Variants in IL1RAPL2 observed in about 807,000 individuals in gnomAD.
IL1RAPL2 encodes the protein interleukin 1 receptor accessory protein like 2.
IL1RAPL2 carries 3 observed loss-of-function variants against 44.1 expected under a neutral mutation model. The observed-to-expected ratio is 0.07, with a 90% CI of 0.03 to 0.18. The LOEUF (loss-of-function observed/expected upper bound fraction) is 0.18, where lower values mean the gene tolerates loss of function less well. IL1RAPL2 is among the 10% of genes least tolerant of loss of function. The pLI, the probability that IL1RAPL2 is intolerant of heterozygous loss-of-function variation, is 1.00. For missense variants in IL1RAPL2, 391 were observed against 496.4 expected, an observed-to-expected ratio of 0.79 and a Z score of 2.02; for synonymous variants, 181 against 178.8, an observed-to-expected ratio of 1.01 and a Z score of -0.10.
At chrX:104,907,406 T>A (rs1178517457) in intron 2 of IL1RAPL2, among the ~76,000 whole-genome samples, 1 of 110,750 alleles carries the variant, frequency 9.0e-6, no homozygotes, top group Non-Finnish European at 1.9e-5. Flanking sequence ...GGGTGTCAAT[T>A]TTGGATCTTT....
At chrX:105,050,153 G>T (rs1337518984) in intron 2 of IL1RAPL2, among the ~76,000 whole-genome samples, 7 of 112,092 alleles carry the variant, frequency 6.2e-5, no homozygotes, top group Non-Finnish European at 1.3e-4. Flanking sequence ...TTCTCTAGCA[G>T]ATAGTCATTA....
chrX:105,747,488 G>C (rs866384939), intron 8 of IL1RAPL2, among the ~76,000 whole-genome samples: 1 of 73,423 alleles, frequency 1.4e-5, no homozygotes, highest in Admixed American at 1.6e-4. Flanking sequence ...CTCTGTGTGT[G>C]TGTATGTGTG....
At chrX:104,944,331 T>C (rs1214071731) in intron 2 of IL1RAPL2, among the ~76,000 whole-genome samples, 5 of 112,229 alleles carry the variant, frequency 4.5e-5, no homozygotes, top group Non-Finnish European at 7.5e-5. Flanking sequence ...AAAGTTTGGA[T>C]TATGATAACA....
intron 2 of IL1RAPL2, among the ~76,000 whole-genome samples, chrX:105,013,691 C>A (rs1168307008): frequency 2.7e-5 from 3 of 110,932 alleles, no homozygotes; most frequent in Non-Finnish European, 5.7e-5. Context: ...ATTTCCTTCC[C>A]TTGAAATACC....
intron 6 of IL1RAPL2, among the ~76,000 whole-genome samples, chrX:105,526,567 A>G (rs993568064): frequency 3.6e-5 from 4 of 111,956 alleles, no homozygotes; most frequent in Non-Finnish European, 7.5e-5. Flanking sequence ...TATGAATTCC[A>G]TCATGCCTAG....
intron 1 of IL1RAPL2, among the ~76,000 whole-genome samples, chrX:104,618,802 AG>A (rs1929329832): frequency 9.0e-6 from 1 of 111,368 alleles, no homozygotes; most frequent in Admixed American, 9.5e-5. Context: ...CATGGAGTGC[AG>A]GGGGCCTTGC....
chrX:105,211,781 A>G (rs781849551), intron 3 of IL1RAPL2, among the ~76,000 whole-genome samples: 3 of 110,252 alleles, frequency 2.7e-5, no homozygotes, highest in East Asian at 2.9e-4. Context: ...GAGGTCCCCA[A>G]TTCATCTCAA....
intron 2 of IL1RAPL2, among the ~76,000 whole-genome samples, chrX:104,871,858 A>C (rs60934463): frequency 8.9e-6 from 1 of 112,179 alleles, no homozygotes; most frequent in Admixed American, 9.5e-5. Context: ...AAATTATTTT[A>C]AAAGTGGAGG....
chrX:105,689,354 A>G (rs902188364), intron 6 of IL1RAPL2, among the ~76,000 whole-genome samples: 1 of 112,010 alleles, frequency 8.9e-6, no homozygotes, highest in African/African-American at 3.3e-5. Flanking sequence ...AGAATCTACA[A>G]AGAACTCAAA....
chrX:105,267,470 G>T lies in IL1RAPL2; in HGVS notation c.626G>T (p.Gly209Val). ...ATCCAAGAAGTTCAAGAAGAAGATG[G>T]AGGAAATTACACATGTGAACTTAAA... ...LLIQEVQEED[G>V]GNYTCELKYE... The change falls in exon 5 of 11, where the codon GGA becomes GTA. Residue 209 changes from glycine to valine, a missense_variant. This residue lies in a region of IL1RAPL2 where 159 missense variants were observed against 251.7 expected (regional missense o/e 0.63). Transcript: ENST00000372582. The T allele has an allele frequency of 8.4e-7, 1 of 1,197,321 alleles. No individual in the cohort carries two copies. The highest frequency in any genetic ancestry group is 2.2e-5 in the Admixed American group (1 of 45,281).
chrX:105,015,677 C>T (rs2031159314), intron 2 of IL1RAPL2, among the ~76,000 whole-genome samples: 1 of 111,423 alleles, frequency 9.0e-6, no homozygotes, highest in Non-Finnish European at 1.9e-5. Context: ...GTCTGTATAT[C>T]TGTTTTGGTA....
At chrX:105,475,571 G>C (rs1349278436) in intron 5 of IL1RAPL2, among the ~76,000 whole-genome samples, 1 of 109,853 alleles carries the variant, frequency 9.1e-6, no homozygotes, top group African/African-American at 3.3e-5. Flanking sequence ...ACTATATGTG[G>C]AATTTGTTTG....
chrX:105,204,397 C>T (rs1556149590), intron 3 of IL1RAPL2, among the ~76,000 whole-genome samples: 1 of 111,815 alleles, frequency 8.9e-6, no homozygotes, highest in East Asian at 2.8e-4. Flanking sequence ...ACCTTCCTTC[C>T]TGTCAATGAT....
At chrX:105,097,180 T>C (rs2032614060) in intron 2 of IL1RAPL2, among the ~76,000 whole-genome samples, 2 of 108,265 alleles carry the variant, frequency 1.8e-5, no homozygotes, top group African/African-American at 6.8e-5. Flanking sequence ...TATAAAAAAT[T>C]AGTCGGGCGT....
intron 2 of IL1RAPL2, among the ~76,000 whole-genome samples, chrX:105,032,441 G>A (rs972994733): frequency 1.8e-5 from 2 of 109,504 alleles, no homozygotes; most frequent in African/African-American, 6.7e-5. Context: ...TGTTCTCGTT[G>A]GTTTCAAAGA....
chrX:105,048,182 C>T (rs1473655770), intron 2 of IL1RAPL2, among the ~76,000 whole-genome samples: 2 of 111,638 alleles, frequency 1.8e-5, no homozygotes, highest in Admixed American at 1.9e-4. Flanking sequence ...GTTGGTTCCT[C>T]AAAAGATATT....
At chrX:105,349,810 A>G (rs189600421) in intron 5 of IL1RAPL2, among the ~76,000 whole-genome samples, 1 of 111,923 alleles carries the variant, frequency 8.9e-6, no homozygotes, top group East Asian at 2.8e-4. Flanking sequence ...TGAATAATAA[A>G]CTATCTTCCT....
At chrX:105,029,779 G>A (rs947779619) in intron 2 of IL1RAPL2, among the ~76,000 whole-genome samples, 22 of 110,956 alleles carry the variant, frequency 2.0e-4, no homozygotes, top group Admixed American at 1.3e-3. Context: ...TAATGGGCTG[G>A]CTGTGTCAAA....
chrX:104,768,657 C>A (rs910404417), intron 2 of IL1RAPL2, among the ~76,000 whole-genome samples: 1 of 111,134 alleles, frequency 9.0e-6, no homozygotes, highest in Non-Finnish European at 1.9e-5. Flanking sequence ...GGATGTCAAG[C>A]ATCTTGTGTT....
Sources: gnomAD v4.1 joint callset for allele counts (sites outside exome capture counted in the v4.1 genomes callset) on GRCh38, gnomAD v4.1.1 for gene constraint, gnomAD v4.1.1 regional missense constraint, MANE v1.5 for transcripts, NCBI Gene and HGNC (gene_info 2026-07-23, HGNC 2026-07-21) for gene names.